The following TRIM67 variants were observed in gnomAD, a reference collection of about 807,000 sequenced individuals.
TRIM67 encodes tripartite motif-containing protein 67.
Under a neutral mutation model 71.0 loss-of-function variants are expected in TRIM67, and 39 were observed. The ratio of observed to expected loss-of-function variants is 0.55; its 90% CI spans 0.43 to 0.72. The LOEUF is 0.72. Among genes scored for constraint, TRIM67 ranks in the 30% least tolerant of loss-of-function variants. TRIM67 has a pLI of 0.00. For missense variants in TRIM67, 973 were observed against 1,079.2 expected (o/e 0.90, Z 1.38); for synonymous variants, 481 against 473.9 (o/e 1.01, Z -0.19).
At chr1:231,164,777 A>G (rs1682405091) in intron 1 of TRIM67, among the ~76,000 whole-genome samples, 2 of 152,226 alleles carry the variant, frequency 1.3e-5, no homozygotes, top group African/African-American at 4.8e-5. Flanking sequence ...GGCCAAGGCT[A>G]TCCAACTGGA....
At position 231,163,930 on chromosome 1, in the gene TRIM67, C is replaced by A; in HGVS notation, c.961C>A (p.Pro321Thr). Residue 321 changes from proline to threonine, a missense_variant, in exon 1 of 10, where the codon CCG (proline) becomes ACG (threonine). By Grantham distance (38) the Pro-to-Thr change is conservative. This residue lies in a region of TRIM67 where 795 missense variants were observed against 831.3 expected (regional missense o/e 0.96). Transcript: ENST00000366653. Reference protein sequence around the residue: ...YSMYCVSCRTPVCYLCLEEGR... With the variant: ...YSMYCVSCRTTVCYLCLEEGR... ...CATGTACTGCGTGAGCTGTCGAACC[C>A]CGGTGTGTTATCTGTGCCTGGAGGA... 1 of 1,585,576 alleles carries A rather than the reference C, an allele frequency of 6.3e-7. No homozygotes were observed. The highest frequency in any genetic ancestry group is 2.3e-5 in the East Asian group (1 of 43,358).
intron 1 of TRIM67, among the ~76,000 whole-genome samples, chr1:231,176,203 T>C (rs924228406): frequency 3.3e-5 from 5 of 152,174 alleles, no homozygotes; most frequent in African/African-American, 1.2e-4. Flanking sequence ...CCATGGGCTG[T>C]GCTGCAGACA....
chr1:231,216,791 G>A lies in TRIM67; in HGVS notation c.*1351G>A, dbSNP rs1684025049. 6 of 985,402 alleles carry A rather than the reference G, an allele frequency of 6.1e-6. No homozygotes were observed. In the South Asian group the frequency reaches 2.8e-4, roughly 46 times the overall value. 61.0% of individuals were successfully genotyped at this position (985,402 alleles called of 1,614,324 possible). On this transcript the variant is annotated 3_prime_UTR_variant, in exon 10 of 10. Transcript: ENST00000366653. Reference sequence around the variant, plus strand: ...CATTGATTCATCCACACCTCTCAGAGACAGCTCATGGCAGGGGTTTTGAGC... The same window carrying A: ...CATTGATTCATCCACACCTCTCAGAAACAGCTCATGGCAGGGGTTTTGAGC...
Position 231,217,149 on chromosome 1 carries a change from G to C in TRIM67, c.*1709G>C, listed in dbSNP as rs1684034676. ...GCAGGCCCGACAATCCTACCTCAAAGCTCATGCTCTTGGTCTGCAAGGCTG... is the reference window on the plus strand; with the variant it reads ...GCAGGCCCGACAATCCTACCTCAAACCTCATGCTCTTGGTCTGCAAGGCTG... On this transcript the variant is annotated 3_prime_UTR_variant, in exon 10 of 10. Coordinates refer to ENST00000366653, the MANE Select transcript of TRIM67 (RefSeq NM_001004342.5). 1 of 985,906 alleles carries C rather than the reference G, an allele frequency of 1.0e-6. No individual in the cohort carries two copies. Among genetic ancestry groups the C allele is most frequent in the African/African-American group, 1.7e-5 (1 of 57,336 alleles). 61.1% of individuals were successfully genotyped at this position (985,906 alleles called of 1,614,324 possible).
chr1:231,179,395 T>C (rs535319123), intron 1 of TRIM67, among the ~76,000 whole-genome samples: 3 of 152,240 alleles, frequency 2.0e-5, no homozygotes, highest in African/African-American at 7.2e-5. Context: ...AATGGCCCTA[T>C]TGGCAAACAA....
chr1:231,205,245 G>A (rs1435327729), intron 6 of TRIM67, among the ~76,000 whole-genome samples: 1 of 152,172 alleles, frequency 6.6e-6, no homozygotes, highest in Non-Finnish European at 1.5e-5. Flanking sequence ...GAAAAGTGTG[G>A]ATGTTGCATG....
rs569426064 is a variant in TRIM67 at position 231,182,220 on chromosome 1, G to C, written c.1045-15151G>C. 5.3e-5 allele frequency among the ~76,000 whole-genome samples: 8 copies of C among 152,138 alleles called. No individual in the cohort carries two copies. In the East Asian group the frequency reaches 1.2e-3, roughly 22 times the overall value. ...TCACTTATTCAACAAATATTTATGG[G>C]ACATACACTGGTAGCCCACGCAAAG... On this transcript the variant is annotated intron_variant, in intron 1 of 9. Coordinates refer to ENST00000366653, the MANE Select transcript of TRIM67 (RefSeq NM_001004342.5).
At chr1:231,205,519 A>G (rs1683670444) in intron 6 of TRIM67, among the ~76,000 whole-genome samples, 1 of 152,114 alleles carries the variant, frequency 6.6e-6, no homozygotes, top group African/African-American at 2.4e-5. Context: ...TGAGGTCAGG[A>G]GTTTGAGACC....
chr1:231,175,402 C>G (rs967160957), intron 1 of TRIM67, among the ~76,000 whole-genome samples: 1 of 152,214 alleles, frequency 6.6e-6, no homozygotes, highest in African/African-American at 2.4e-5. Flanking sequence ...TACAAGCCAA[C>G]AAATTAGCCT....
At position 231,201,480 on chromosome 1, in the gene TRIM67, C is replaced by T. The variant is rs552727646; in HGVS notation, c.1497C>T (p.Ala499=). The change falls in exon 5 of 10, where the codon GCC becomes GCT. Residue 499 remains alanine, a synonymous_variant. Transcript: ENST00000366653. ...LTLDSEPLLQ[A]IHQLDFIQMK... is the part of the protein sequence containing the mutation. ...TGGACAGCGAGCCGCTGCTGCAGGC[C>T]ATCCACCAGCTGGACTTCATTCAGA... 3.1e-6 allele frequency: 5 copies of T among 1,613,938 alleles called. No homozygotes were observed. In the East Asian group the frequency reaches 6.7e-5, roughly 22 times the overall value.
intron 8 of TRIM67, among the ~76,000 whole-genome samples, chr1:231,210,721 T>C (rs1438670133): frequency 6.6e-6 from 1 of 151,778 alleles, no homozygotes; most frequent in African/African-American, 2.4e-5. Flanking sequence ...AAGGTACTAT[T>C]ATTGTTGCCA....
chr1:231,197,496 A>AC, intron 2 of TRIM67, 30 bp downstream of exon 2: 1 of 1,600,848 alleles, frequency 6.2e-7, no homozygotes, highest in Non-Finnish European at 8.6e-7. Flanking sequence ...CGGGAGAAAT[A>AC]CTCAGTGTTG....
rs923864143 is a variant in TRIM67 at position 231,163,255 on chromosome 1, G to A, written c.286G>A (p.Gly96Arg). Residue 96 changes from glycine (G) to arginine (R), a missense_variant, in exon 1 of 10, where the codon GGA becomes AGA. Around this residue, in one of 2 missense-constraint regions of TRIM67, gnomAD observed 795 missense variants for 831.3 expected, o/e 0.96. Transcript: ENST00000366653. ...CCTCGGCGGCGGTGCGGGAGGTGGC[G>A]GAGACCACGCGGACAAGCTCAGCTT... Reference protein sequence around the residue: ...GGLGGGAGGGGDHADKLSLYS... With the variant: ...GGLGGGAGGGRDHADKLSLYS... 7.9e-6 allele frequency: 12 copies of A among 1,511,834 alleles called. No homozygotes were observed. Among genetic ancestry groups the A allele is most frequent in the Non-Finnish European group, 1.1e-5 (12 of 1,130,008 alleles). The allele number at this position is 1,511,834 out of a possible 1,614,324, so 93.7% of individuals were successfully genotyped here. A position where few individuals can be genotyped will look rare whatever the true frequency, so the allele number is the denominator to read the frequency against.
Position 231,204,020 on chromosome 1 carries a change from C to G in TRIM67, c.1680+8C>G, listed in dbSNP as rs781284086. 1.2e-6 allele frequency: 2 copies of G among 1,613,646 alleles called. No homozygotes were observed. Among genetic ancestry groups the G allele is most frequent in the South Asian group, 2.2e-5 (2 of 91,058 alleles). On this transcript the variant is annotated splice_region_variant and intron_variant, in intron 6 of 9. Transcript: ENST00000366653. ...GCCGGGGGACAGTTCCGGGTGAGGC[C>G]TTGCTGCTTATTTGGCGGGGATTGA...
Position 231,220,948 on chromosome 1 carries a change from C to T in TRIM67, c.*5508C>T, listed in dbSNP as rs79368582. On this transcript the variant is annotated 3_prime_UTR_variant, in exon 10 of 10. Transcript: ENST00000366653. ...CTGCTTGCAACTGCAGTAGCAGGAA[C>T]ATGTCAGGTGCTTACTGGGTGAGAC... The T allele has an allele frequency of 6.6e-6, 1 of 152,306 alleles. No individual in the cohort carries two copies. The highest frequency in any genetic ancestry group is 2.4e-5 in the African/African-American group (1 of 41,444). 9.4% of individuals were successfully genotyped at this position (152,306 alleles called of 1,614,324 possible).
Position 231,218,786 on chromosome 1 carries a change from T to C in TRIM67, c.*3346T>C. ...CCACCAAGTTTGAGGAGGGTGGTGCTTTCCGGATTGAGCCTGGGCAGGCTC... is the reference window on the plus strand; with the variant it reads ...CCACCAAGTTTGAGGAGGGTGGTGCCTTCCGGATTGAGCCTGGGCAGGCTC... On this transcript the variant is annotated 3_prime_UTR_variant, in exon 10 of 10. Coordinates refer to ENST00000366653, the MANE Select transcript of TRIM67 (RefSeq NM_001004342.5). 2.0e-6 allele frequency: 2 copies of C among 985,414 alleles called. No homozygotes were observed. Among genetic ancestry groups the C allele is most frequent in the Non-Finnish European group, 2.4e-6 (2 of 829,944 alleles). The allele number at this position is 985,414 out of a possible 1,614,324, so 61.0% of individuals were successfully genotyped here.
chr1:231,208,770 G>T (rs1486697356), intron 7 of TRIM67, among the ~76,000 whole-genome samples, 177 bp from the exon 8 acceptor site: 1 of 152,180 alleles, frequency 6.6e-6, no homozygotes, highest in African/African-American at 2.4e-5. Context: ...GGGAGTGTGT[G>T]CATGTGTGTA....
At chr1:231,214,104 A>G in intron 9 of TRIM67, 127 bp downstream of exon 9, 1 of 1,181,308 alleles carries the variant, frequency 8.5e-7, no homozygotes. Context: ...GACAGAGCTT[A>G]TCAACTGGCC....
chr1:231,182,739 A>C (rs1682940166), intron 1 of TRIM67, among the ~76,000 whole-genome samples: 1 of 152,188 alleles, frequency 6.6e-6, no homozygotes, highest in Non-Finnish European at 1.5e-5. Context: ...GACAAGCCCA[A>C]GTCCAAGGGG....
Sources: gnomAD v4.1 joint callset for allele counts (sites outside exome capture counted in the v4.1 genomes callset) on GRCh38, gnomAD v4.1.1 for gene constraint, gnomAD v4.1.1 regional missense constraint, MANE v1.5 for transcripts, NCBI Gene and HGNC (gene_info 2026-07-23, HGNC 2026-07-21) for gene names.